COL4A6: variants seen among roughly 807,000 people sequenced by gnomAD.
COL4A6 encodes collagen alpha-6(IV) chain.
Under a neutral mutation model 126.7 loss-of-function variants are expected in COL4A6, and 59 were observed. That is an observed-to-expected ratio of 0.47 (90% CI 0.38 to 0.58). The LOEUF (loss-of-function observed/expected upper bound fraction) is 0.58. COL4A6 is among the 20% of genes least tolerant of loss of function. The pLI is 0.00. For synonymous variants in COL4A6, 547 were observed against 496.6 expected (o/e 1.10, Z -1.35); for missense variants, 1,285 against 1,337.3 (o/e 0.96, Z 0.61).
chrX:108,310,724 T>G, intron 3 of COL4A6, 24 bp downstream of exon 3: 1 of 1,180,586 alleles, frequency 8.5e-7, no homozygotes, highest in Non-Finnish European at 1.2e-6. Flanking sequence ...TATTTGTCTT[T>G]CAACAATGAA....
intron 2 of COL4A6, among the ~76,000 whole-genome samples, chrX:108,360,036 T>C (rs988435081): frequency 8.9e-6 from 1 of 111,822 alleles, no homozygotes; most frequent in Non-Finnish European, 1.9e-5. Flanking sequence ...TGATCATATT[T>C]GGAGGCAACC....
At chrX:108,367,383 C>T (rs1603172776) in intron 2 of COL4A6, among the ~76,000 whole-genome samples, 1 of 111,522 alleles carries the variant, frequency 9.0e-6, no homozygotes, top group Non-Finnish European at 1.9e-5. Flanking sequence ...TTCTCTCACT[C>T]ACTCTTACAC....
chrX:108,223,345 G>T (rs1329521332), intron 3 of COL4A6, among the ~76,000 whole-genome samples: 2 of 111,534 alleles, frequency 1.8e-5, no homozygotes, highest in African/African-American at 6.5e-5. Context: ...AAACCTGCAC[G>T]TTCTGCACAT....
chrX:108,180,909 G>C lies in COL4A6; in HGVS notation c.2011C>G (p.Pro671Ala). ...SYGPSGFPGT[P>A]GFPGPKGSRG... Reference sequence around the variant, plus strand: ...CCTCATTCCATACCTGGGAATCCGGGAGTGCCTGGAAATCCTGATGGACCG... The same window carrying C: ...CCTCATTCCATACCTGGGAATCCGGCAGTGCCTGGAAATCCTGATGGACCG... Residue 671 changes from proline (P) to alanine (A), a missense_variant, in exon 24 of 45, where the codon CCC becomes GCC. Pro to Ala is a conservative substitution (Grantham distance 27). Transcript: ENST00000334504. 1 of 1,208,749 alleles carries C rather than the reference G, an allele frequency of 8.3e-7. No individual in the cohort carries two copies. The highest frequency in any genetic ancestry group is 1.1e-6 in the Non-Finnish European group (1 of 893,953).
intron 44 of COL4A6, among the ~76,000 whole-genome samples, 194 bp downstream of exon 44, chrX:108,159,268 G>C (rs779450046): frequency 2.1e-4 from 24 of 112,520 alleles, no homozygotes; most frequent in Non-Finnish European, 4.3e-4. Flanking sequence ...GGTGCAAACT[G>C]CTGTCTTTCC....
intron 11 of COL4A6, 30 bp downstream of exon 11, chrX:108,205,409 G>C (rs1266730): frequency 3.5e-6 from 4 of 1,131,555 alleles, no homozygotes; most frequent in Non-Finnish European, 4.9e-6. Flanking sequence ...GCATATGGAA[G>C]GCAGACTGTA....
At chrX:108,287,756 GCT>G (rs1215005907) in intron 3 of COL4A6, among the ~76,000 whole-genome samples, 1 of 111,691 alleles carries the variant, frequency 9.0e-6, no homozygotes, top group Non-Finnish European at 1.9e-5. Context: ...TTTTCATGCA[GCT>G]CTCTCTTCTC....
chrX:108,187,424 G>A (rs1184324085), intron 22 of COL4A6, 145 bp from the exon 23 acceptor site: 7 of 479,829 alleles, frequency 1.5e-5, no homozygotes, highest in Non-Finnish European at 1.9e-5. Context: ...TTATCTATCA[G>A]TCTCCTCTGA....
At chrX:108,246,126 T>C (rs752912357) in intron 3 of COL4A6, among the ~76,000 whole-genome samples, 6 of 112,153 alleles carry the variant, frequency 5.3e-5, no homozygotes, top group African/African-American at 1.9e-4. Flanking sequence ...CTTTCATGTA[T>C]GATAGAGTCA....
chrX:108,261,642 T>C (rs1387950855), intron 3 of COL4A6, among the ~76,000 whole-genome samples: 2 of 111,395 alleles, frequency 1.8e-5, no homozygotes, highest in Non-Finnish European at 3.8e-5. Context: ...TCTAAACCAT[T>C]GGCCAGATGT....
chrX:108,390,237 G>C (rs896439310), intron 2 of COL4A6, among the ~76,000 whole-genome samples: 1 of 110,711 alleles, frequency 9.0e-6, no homozygotes, highest in Non-Finnish European at 1.9e-5. Flanking sequence ...GAGTATTTTT[G>C]TGGTGTTCTC....
intron 3 of COL4A6, among the ~76,000 whole-genome samples, chrX:108,297,164 A>G (rs772681505): frequency 6.3e-5 from 7 of 111,928 alleles, no homozygotes; most frequent in Non-Finnish European, 1.1e-4. Context: ...ACTATAGGAG[A>G]TGGTGGAGTT....
chrX:108,172,908 T>G (rs927362568), intron 31 of COL4A6, among the ~76,000 whole-genome samples: 3 of 112,323 alleles, frequency 2.7e-5, no homozygotes, highest in African/African-American at 9.7e-5. Context: ...GGAGCCATTA[T>G]GCATAGGAAG....
intron 35 of COL4A6, among the ~76,000 whole-genome samples, chrX:108,170,379 G>A (rs2034262857): frequency 8.9e-6 from 1 of 111,973 alleles, no homozygotes; most frequent in Non-Finnish European, 1.9e-5. Context: ...CACATGCCAG[G>A]GCAATTGCCT....
At chrX:108,335,982 C>T (rs2039422533) in intron 2 of COL4A6, among the ~76,000 whole-genome samples, 1 of 111,384 alleles carries the variant, frequency 9.0e-6, no homozygotes, top group Non-Finnish European at 1.9e-5. Context: ...ATCACTTGCT[C>T]AACGTCGGCC....
At chrX:108,398,862 C>T (rs1371498608) in intron 2 of COL4A6, among the ~76,000 whole-genome samples, 1 of 110,690 alleles carries the variant, frequency 9.0e-6, no homozygotes, top group Non-Finnish European at 1.9e-5. Flanking sequence ...TTTGGAGAAA[C>T]CAATAAGTAT....
At chrX:108,206,163 G>T (rs1433298305) in intron 9 of COL4A6, among the ~76,000 whole-genome samples, 1 of 111,481 alleles carries the variant, frequency 9.0e-6, no homozygotes, top group Non-Finnish European at 1.9e-5. Flanking sequence ...AGCTTCTTCA[G>T]TATTCAGGGT....
At chrX:108,234,822 A>C (rs1361046148) in intron 3 of COL4A6, among the ~76,000 whole-genome samples, 1 of 111,809 alleles carries the variant, frequency 8.9e-6, no homozygotes, top group African/African-American at 3.3e-5. Flanking sequence ...CATTTTGGTA[A>C]GTAAGAGGGA....
intron 42 of COL4A6, 55 bp from the exon 43 acceptor site, chrX:108,160,709 C>G: frequency 9.6e-7 from 1 of 1,041,525 alleles, no homozygotes; most frequent in Admixed American, 2.5e-5. Flanking sequence ...ACAACATCAG[C>G]TACTCACATT....
Sources: gnomAD v4.1 joint callset for allele counts (sites outside exome capture counted in the v4.1 genomes callset) on GRCh38, gnomAD v4.1.1 for gene constraint, MANE v1.5 for transcripts, NCBI Gene and HGNC (gene_info 2026-07-23, HGNC 2026-07-21) for gene names.